The following MIIP variants were observed in gnomAD, a reference collection of about 807,000 sequenced individuals.
MIIP encodes migration and invasion inhibitory protein.
A neutral mutation model predicts 44.8 loss-of-function variants in MIIP; 44 were observed. That is an observed-to-expected ratio of 0.98 (90% CI 0.77 to 1.26). The LOEUF (loss-of-function observed/expected upper bound fraction) is 1.26. MIIP is among the 50% of genes most tolerant of loss of function. The pLI is 0.00. For missense variants in MIIP, 496 were observed against 511.7 expected, an observed-to-expected ratio of 0.97 and a Z score of 0.30; for synonymous variants, 225 against 218.3, an observed-to-expected ratio of 1.03 and a Z score of -0.27.
At chr1:12,029,577 T>G in intron 6 of MIIP, 188 bp from the exon 7 acceptor site, 2 of 808,754 alleles carry the variant, frequency 2.5e-6, no homozygotes, top group Non-Finnish European at 3.9e-6. Context: ...CCCAGGAGGA[T>G]GTCCCTCCCC....
rs1640192112 is a variant in MIIP at position 12,029,820 on chromosome 1, T to A, written c.771T>A (p.Gly257=). ...TGTTCCCGGTGCCTGTGGATCCCGGTACCCCCTGCCGCCTGTGCAGGACAC... is the reference window on the plus strand; with the variant it reads ...TGTTCCCGGTGCCTGTGGATCCCGGAACCCCCTGCCGCCTGTGCAGGACAC... ...RRLFPVPVDP[G]TPCRLCRTPR... The change falls in exon 7 of 10, where the codon GGT becomes GGA. Residue 257 remains glycine (G), a synonymous_variant. Coordinates refer to ENST00000235332, the MANE Select transcript of MIIP (RefSeq NM_021933.4). The A allele has an allele frequency of 6.2e-7, 1 of 1,613,160 alleles. No homozygotes were observed. The highest frequency in any genetic ancestry group is 8.5e-7 in the Non-Finnish European group (1 of 1,179,674).
In MIIP at chr1:12,029,211, T is replaced by G. The variant is rs1426366349; in HGVS notation, c.657-12T>G. Reference sequence around the variant, plus strand: ...CCATCCCCCGGCCTGCTCATCCCCCTCGCCCTCTCAGACCCCAGTTGCCAG... The same window carrying G: ...CCATCCCCCGGCCTGCTCATCCCCCGCGCCCTCTCAGACCCCAGTTGCCAG... On this transcript the variant is annotated splice_polypyrimidine_tract_variant and intron_variant, in intron 5 of 9. Coordinates refer to ENST00000235332, the MANE Select transcript of MIIP (RefSeq NM_021933.4). 6.2e-7 allele frequency: 1 copy of G among 1,613,170 alleles called. No homozygotes were observed. The highest frequency in any genetic ancestry group is 1.1e-5 in the South Asian group (1 of 91,064).
At position 12,022,909 on chromosome 1, in the gene MIIP, G is replaced by A. The variant is rs759077289; in HGVS notation, c.539G>A (p.Trp180Ter). The A allele has an allele frequency of 8.1e-6, 13 of 1,609,570 alleles. No individual in the cohort carries two copies. The African/African-American group carries it at 1.7e-4, about 22-fold the overall frequency. The change falls in exon 4 of 10, where the codon TGG becomes TAG. Residue 180 changes from tryptophan (W) to a stop codon, truncating the protein, a stop_gained. Coordinates refer to ENST00000235332, the MANE Select transcript of MIIP (RefSeq NM_021933.4). LOFTEE classifies it high-confidence loss of function. ...WRLRPYLGYD[W>*]IAGSLDTSSS... ...CTCAGGCCATACCTGGGCTATGACTGGATTGCAGGTAAGGCGTGCTGTTGC... is the reference window on the plus strand; with the variant it reads ...CTCAGGCCATACCTGGGCTATGACTAGATTGCAGGTAAGGCGTGCTGTTGC...
chr1:12,026,279 C>T (rs990361919), intron 4 of MIIP, among the ~76,000 whole-genome samples: 1 of 152,174 alleles, frequency 6.6e-6, no homozygotes, highest in African/African-American at 2.4e-5. Context: ...CACTCTAACC[C>T]GGGCGACAAA....
Position 12,029,259 on chromosome 1 carries a change from C to T in MIIP, c.693C>T (p.Ser231=), listed in dbSNP as rs1341028244. ...CAGGCCTGCGTGAGAGCAGTGGCAG[C>T]GGCGTGGAGGAAGACCATGAATGTG... ...QLPGLRESSG[S]GVEEDHECVY... The change falls in exon 6 of 10, where the codon AGC becomes AGT. Residue 231 remains serine, a synonymous_variant. Coordinates refer to ENST00000235332, the MANE Select transcript of MIIP (RefSeq NM_021933.4). 9 of 1,613,502 alleles carry T rather than the reference C, an allele frequency of 5.6e-6. No individual in the cohort carries two copies. Among genetic ancestry groups the T allele is most frequent in the African/African-American group, 4.0e-5 (3 of 75,054 alleles).
intron 8 of MIIP, among the ~76,000 whole-genome samples, chr1:12,030,787 A>AT (rs1640225774): frequency 6.6e-6 from 1 of 150,878 alleles, no homozygotes; most frequent in South Asian, 2.1e-4. Flanking sequence ...AAAAAAAAAA[A>AT]ATGTCCTTTC....
chr1:12,021,869 G>A (rs1639983822), intron 2 of MIIP, 29 bp downstream of exon 2: 1 of 1,552,334 alleles, frequency 6.4e-7, no homozygotes, highest in Non-Finnish European at 8.7e-7. Flanking sequence ...AACCCCAGAG[G>A]AAGGGGCTAC....
rs1043631698 is a variant in MIIP at position 12,031,936 on chromosome 1, G to C, written c.*128G>C. On this transcript the variant is annotated 3_prime_UTR_variant, in exon 10 of 10. Coordinates refer to ENST00000235332, the MANE Select transcript of MIIP (RefSeq NM_021933.4). ...CAGCTGTCCTAGGTTGGGCAGGTGG[G>C]TGGACCCAAGCTTGTCTGCTGCCTG... 2 of 890,286 alleles carry C rather than the reference G, an allele frequency of 2.2e-6. No individual in the cohort carries two copies. The highest frequency in any genetic ancestry group is 5.3e-5 in the East Asian group (2 of 37,730). 55.1% of individuals were successfully genotyped at this position (890,286 alleles called of 1,614,324 possible).
chr1:12,028,440 C>A (rs1640149613), intron 4 of MIIP, among the ~76,000 whole-genome samples: 1 of 152,168 alleles, frequency 6.6e-6, no homozygotes, highest in African/African-American at 2.4e-5. Flanking sequence ...TGCCACTTTC[C>A]CCTCCTGGCT....
intron 4 of MIIP, among the ~76,000 whole-genome samples, chr1:12,028,527 C>T (rs1169811975): frequency 1.3e-5 from 2 of 152,140 alleles, no homozygotes; most frequent in Non-Finnish European, 2.9e-5. Context: ...GATGTCCTTC[C>T]TGGGAGGTCT....
intron 4 of MIIP, among the ~76,000 whole-genome samples, chr1:12,024,480 C>T (rs1250906934): frequency 2.0e-5 from 3 of 152,194 alleles, no homozygotes; most frequent in African/African-American, 7.2e-5. Context: ...ATGGCGTGAT[C>T]TCCGCTCACT....
At chr1:12,020,989 G>GT (rs1553148044) in intron 1 of MIIP, among the ~76,000 whole-genome samples, 17 of 151,710 alleles carry the variant, frequency 1.1e-4, no homozygotes, top group South Asian at 8.3e-4. Context: ...CCTGTTTTTT[G>GT]TTTTTTTTAC....
chr1:12,025,040 G>GT (rs1640074638), intron 4 of MIIP, among the ~76,000 whole-genome samples: 13 of 138,820 alleles, frequency 9.4e-5, no homozygotes, highest in Non-Finnish European at 1.7e-4. Context: ...TTTTTTTTTT[G>GT]TTTTTTGTTT....
chr1:12,023,188 C>T (rs1390946850), intron 4 of MIIP, among the ~76,000 whole-genome samples: 2 of 151,218 alleles, frequency 1.3e-5, no homozygotes, highest in African/African-American at 2.4e-5. Context: ...CTTGGCCTCC[C>T]GAGTAGCTGG....
chr1:12,031,714 C>T lies in MIIP; in HGVS notation c.1081-8C>T, dbSNP rs1199799755. On this transcript the variant is annotated splice_polypyrimidine_tract_variant and splice_region_variant and intron_variant, in intron 9 of 9. Transcript: ENST00000235332. ...GGCCCCCCTGAGACTTCCCTATTCC[C>T]CATCCAGGCCTCACCAATGCAGATG... is the stretch of plus-strand genomic sequence containing the variant. 1.2e-6 allele frequency: 2 copies of T among 1,613,980 alleles called. No homozygotes were observed. Among genetic ancestry groups the T allele is most frequent in the African/African-American group, 1.3e-5 (1 of 74,904 alleles).
intron 6 of MIIP, 24 bp from the exon 7 acceptor site, chr1:12,029,741 T>G: frequency 6.3e-7 from 1 of 1,598,430 alleles, no homozygotes; most frequent in Non-Finnish European, 8.6e-7. Context: ...CAGGGAGAGC[T>G]GTGGCTTCTC....
chr1:12,027,006 C>CTTTTTT (rs752323245), intron 4 of MIIP, among the ~76,000 whole-genome samples: 16 of 129,498 alleles, frequency 1.2e-4, no homozygotes, highest in Admixed American at 1.6e-4. Flanking sequence ...TTTTCTTTTT[C>CTTTTTT]TTTTTTTTTT....
intron 4 of MIIP, among the ~76,000 whole-genome samples, chr1:12,028,182 G>A (rs934060254): frequency 2.6e-5 from 4 of 152,182 alleles, no homozygotes; most frequent in African/African-American, 9.7e-5. Flanking sequence ...ACTGCACCCT[G>A]GGCAACACGG....
intron 4 of MIIP, among the ~76,000 whole-genome samples, chr1:12,027,181 G>A (rs927840077): frequency 3.9e-5 from 6 of 152,064 alleles, no homozygotes; most frequent in Non-Finnish European, 1.5e-5. Flanking sequence ...GCTCATTTTT[G>A]TATTTTTAGC....
Sources: allele counts gnomAD v4.1 joint callset (sites outside exome capture counted in the v4.1 genomes callset), GRCh38; gene constraint gnomAD v4.1.1; transcripts MANE v1.5; gene names NCBI Gene and HGNC (gene_info 2026-07-23, HGNC 2026-07-21).